The following SMAP2 variants were observed in gnomAD, a reference collection of about 807,000 sequenced individuals.
SMAP2 encodes small ArfGAP2.
In SMAP2, 25 loss-of-function variants were observed where a neutral mutation model predicts 56.4. The ratio of observed to expected loss-of-function variants is 0.44; its 90% CI spans 0.32 to 0.62. The LOEUF (loss-of-function observed/expected upper bound fraction) is 0.62. SMAP2 is among the 20% of genes least tolerant of loss of function. The pLI is 0.04. For synonymous variants in SMAP2, 157 were observed against 181.7 expected (o/e 0.86, Z 1.09); for missense variants, 388 against 545.6 (o/e 0.71, Z 2.88).
intron 9 of SMAP2, among the ~76,000 whole-genome samples, chr1:40,419,495 G>C (rs1645022338): frequency 6.6e-6 from 1 of 152,008 alleles, no homozygotes; most frequent in African/African-American, 2.4e-5. Flanking sequence ...ATGTTGGCCA[G>C]GCTAGTCTCA....
intron 7 of SMAP2, among the ~76,000 whole-genome samples, 157 bp from the exon 8 acceptor site, chr1:40,416,019 T>A (rs1372006505): frequency 6.6e-6 from 1 of 152,192 alleles, no homozygotes; most frequent in Non-Finnish European, 1.5e-5. Flanking sequence ...TTATCAGGTG[T>A]GTTCAGATAG....
At chr1:40,416,754 A>C (rs552599516) in intron 8 of SMAP2, 26 bp from the exon 9 acceptor site, 1 of 1,577,818 alleles carries the variant, frequency 6.3e-7, no homozygotes, top group African/African-American at 1.3e-5. Context: ...CTCTTTAACC[A>C]ACCTGTATGT....
chr1:40,393,196 C>T (rs995284656), intron 1 of SMAP2: 3 of 781,792 alleles, frequency 3.8e-6, no homozygotes, highest in Admixed American at 3.2e-5. Context: ...CGTGGTAGCA[C>T]ATGCCTGTAG....
intron 1 of SMAP2, among the ~76,000 whole-genome samples, chr1:40,398,060 G>A (rs1263238396): frequency 6.6e-6 from 1 of 152,076 alleles, no homozygotes; most frequent in Admixed American, 6.6e-5. Flanking sequence ...TTGTTTTTAC[G>A]ATATCTGTAC....
chr1:40,399,475 T>C (rs1322299258), intron 1 of SMAP2, among the ~76,000 whole-genome samples: 1 of 150,898 alleles, frequency 6.6e-6, no homozygotes, highest in Non-Finnish European at 1.5e-5. Flanking sequence ...CTTTTTTTTT[T>C]CTTTTCTTTC....
At chr1:40,357,533 G>A (rs1254307424) in intron 1 of SMAP2, among the ~76,000 whole-genome samples, 1 of 151,598 alleles carries the variant, frequency 6.6e-6, no homozygotes, top group East Asian at 1.9e-4. Context: ...TTTCCTCAGT[G>A]TTTTCTTTTA....
chr1:40,346,975 G>T (rs1282540397), intron 1 of SMAP2, among the ~76,000 whole-genome samples: 1 of 151,784 alleles, frequency 6.6e-6, no homozygotes, highest in Non-Finnish European at 1.5e-5. Context: ...TCAACCTCCC[G>T]AAGTGCTGAG....
At chr1:40,365,120 A>G (rs1303113495) in intron 2 of SMAP2, 3 of 199,850 alleles carry the variant, frequency 1.5e-5, no homozygotes, top group East Asian at 2.3e-4. Flanking sequence ...CTCAAGAAAA[A>G]TTGCCAAGAC....
rs778149979 is a variant in SMAP2 at position 40,408,588 on chromosome 1, G to A, written c.238-65G>A. On this transcript the variant is annotated intron_variant, in intron 2 of 9. Coordinates refer to ENST00000372718, the MANE Select transcript of SMAP2 (RefSeq NM_022733.3). This position sits in a 1 kb window ranked among gnomAD's most constrained non-coding sequence, Gnocchi z 4.3. ...TTCAATTGTACAGTAGTGGAATTGG[G>A]TGAGAAGTTTTTCAGTTCTTTCTTG... is the stretch of plus-strand genomic sequence containing the variant. The A allele has an allele frequency of 4.3e-6, 6 of 1,386,284 alleles. No individual in the cohort carries two copies. The African/African-American group carries it at 8.5e-5, about 20-fold the overall frequency. The allele number at this position is 1,386,284 out of a possible 1,614,324, so 85.9% of individuals were successfully genotyped here.
chr1:40,413,369 G>A (rs1644956771), intron 5 of SMAP2, among the ~76,000 whole-genome samples: 1 of 152,212 alleles, frequency 6.6e-6, no homozygotes, highest in Admixed American at 6.5e-5. Context: ...CACATTCCAA[G>A]CCAGAATGCC....
intron 1 of SMAP2, among the ~76,000 whole-genome samples, chr1:40,403,470 A>T (rs987386871): frequency 1.3e-5 from 2 of 152,104 alleles, no homozygotes; most frequent in African/African-American, 2.4e-5. Flanking sequence ...ACGCCGCTGC[A>T]CTCCAGCCTG....
chr1:40,345,529 A>G (rs1464773415), intron 1 of SMAP2, among the ~76,000 whole-genome samples: 1 of 151,940 alleles, frequency 6.6e-6, no homozygotes, highest in Non-Finnish European at 1.5e-5. Context: ...TATGTTGCCC[A>G]ATGCCCAGGC....
intron 1 of SMAP2, among the ~76,000 whole-genome samples, chr1:40,346,583 T>C (rs1644386701): frequency 6.6e-6 from 1 of 152,046 alleles, no homozygotes; most frequent in Admixed American, 6.6e-5. Flanking sequence ...TTGCTCAGGC[T>C]AGTCTCAAAC....
chr1:40,399,294 G>C (rs1395530593), intron 1 of SMAP2, among the ~76,000 whole-genome samples: 1 of 145,822 alleles, frequency 6.9e-6, no homozygotes, highest in African/African-American at 2.6e-5. Flanking sequence ...ACAGGCATGT[G>C]CCACTACGTG....
chr1:40,374,522 G>A lies in SMAP2; in HGVS notation c.103+299G>A. ...GAGGGCTCTGAATGAGTTCTGGGCCGGCTGTCCAGAGAGAGCTCCCAGCAT... is the reference window on the plus strand; with the variant it reads ...GAGGGCTCTGAATGAGTTCTGGGCCAGCTGTCCAGAGAGAGCTCCCAGCAT... On this transcript the variant is annotated intron_variant, in intron 1 of 9. Transcript: ENST00000372718. This position sits in a 1 kb window ranked among gnomAD's most constrained non-coding sequence, Gnocchi z 5.9. 1 of 856,332 alleles carries A rather than the reference G, an allele frequency of 1.2e-6. No individual in the cohort carries two copies. Among genetic ancestry groups the A allele is most frequent in the Non-Finnish European group, 1.9e-6 (1 of 532,286 alleles). The allele number at this position is 856,332 out of a possible 1,614,324, so 53.0% of individuals were successfully genotyped here. A position where few individuals can be genotyped will look rare whatever the true frequency, so the allele number is the denominator to read the frequency against.
At chr1:40,380,773 C>T (rs575548187) in intron 1 of SMAP2, among the ~76,000 whole-genome samples, 2 of 152,198 alleles carry the variant, frequency 1.3e-5, no homozygotes, top group East Asian at 3.9e-4. Context: ...CAGGTGATCG[C>T]CCACCTTAGC....
In SMAP2 at chr1:40,408,721, G is replaced by A. The variant is rs1644908482; in HGVS notation, c.306G>A (p.Arg102=). 6.2e-7 allele frequency: 1 copy of A among 1,613,834 alleles called. No homozygotes were observed. Among genetic ancestry groups the A allele is most frequent in the South Asian group, 1.1e-5 (1 of 91,074 alleles). Reference sequence around the variant, plus strand: ...AAGCCTATCTTCCTGAGACCTTTCGGCGACCTCAGATAGACCCGTATCTTT... The same window carrying A: ...AAGCCTATCTTCCTGAGACCTTTCGACGACCTCAGATAGACCCGTATCTTT... The part of the protein sequence containing the change: ...LYEAYLPETF[R]RPQIDPAVEG... The change falls in exon 3 of 10, where the codon CGG becomes CGA. Residue 102 remains arginine, a synonymous_variant. Coordinates refer to ENST00000372718, the MANE Select transcript of SMAP2 (RefSeq NM_022733.3). The surrounding 1 kb of genome is among the most constrained non-coding windows in gnomAD (Gnocchi z 4.3).
intron 1 of SMAP2, among the ~76,000 whole-genome samples, chr1:40,389,481 A>G (rs1298067746): frequency 2.0e-5 from 3 of 151,134 alleles, no homozygotes; most frequent in African/African-American, 7.3e-5. Context: ...TTGTTTTTTG[A>G]TAGTCTTCCT....
At chr1:40,349,940 G>A (rs571496687) in intron 1 of SMAP2, among the ~76,000 whole-genome samples, 6 of 152,296 alleles carry the variant, frequency 3.9e-5, no homozygotes, top group African/African-American at 1.2e-4. Flanking sequence ...GCAGAGAGCA[G>A]GTGAGTCAGA....
Sources: gnomAD v4.1 joint callset for allele counts (sites outside exome capture counted in the v4.1 genomes callset) on GRCh38, gnomAD v4.1.1 for gene constraint, Gnocchi (gnomAD v3.1) non-coding constraint, MANE v1.5 for transcripts, NCBI Gene and HGNC (gene_info 2026-07-23, HGNC 2026-07-21) for gene names.